Variants in FGF14 observed in about 807,000 individuals in gnomAD.
The protein encoded by FGF14 is fibroblast growth factor 14.
In FGF14, 5 loss-of-function variants were observed where a neutral mutation model predicts 25.5. The observed-to-expected ratio is 0.20, with a 90% confidence interval of 0.10 to 0.41. The LOEUF (loss-of-function observed/expected upper bound fraction) is 0.41, where lower values mean the gene tolerates loss of function less well. Among genes scored for constraint, FGF14 ranks in the 10% least tolerant of loss-of-function variants. The pLI, the probability that FGF14 is intolerant of heterozygous loss-of-function variation, is 1.00. For synonymous variants in FGF14, 138 were observed against 118.3 expected, an observed-to-expected ratio of 1.17 and a Z score of -1.08; for missense variants, 222 against 320.1, an observed-to-expected ratio of 0.69 and a Z score of 2.34.
intron 1 of FGF14, among the ~76,000 whole-genome samples, chr13:102,003,541 C>A (rs1177524136): frequency 3.3e-5 from 5 of 152,066 alleles, no homozygotes; most frequent in African/African-American, 1.2e-4. Context: ...CCATAGGCCA[C>A]AAGATAAGCT....
At chr13:102,167,312 C>CAAAAAA (rs10689114) in intron 1 of FGF14, among the ~76,000 whole-genome samples, 2 of 72,732 alleles carry the variant, frequency 2.7e-5, no homozygotes, top group African/African-American at 1.1e-4. Context: ...CACTCCATCT[C>CAAAAAA]AAAAAAAAAA....
At chr13:101,828,958 T>C (rs995747094) in intron 3 of FGF14, among the ~76,000 whole-genome samples, 3 of 152,042 alleles carry the variant, frequency 2.0e-5, no homozygotes, top group Non-Finnish European at 4.4e-5. Flanking sequence ...AGACTGCTGA[T>C]AGCAAACAAA....
intron 1 of FGF14, among the ~76,000 whole-genome samples, chr13:101,930,123 T>A (rs994518539): frequency 3.3e-5 from 5 of 152,150 alleles, no homozygotes; most frequent in African/African-American, 4.8e-5. Context: ...AACATCAAAT[T>A]TTTTCCCTTC....
At chr13:101,951,365 A>C (rs1039483695) in intron 1 of FGF14, among the ~76,000 whole-genome samples, 1 of 152,150 alleles carries the variant, frequency 6.6e-6, no homozygotes, top group African/African-American at 2.4e-5. Flanking sequence ...AGAGCATGGC[A>C]GTGGAAAGAG....
intron 1 of FGF14, among the ~76,000 whole-genome samples, chr13:102,399,454 A>G (rs917472065): frequency 1.8e-4 from 27 of 152,236 alleles, no homozygotes; most frequent in Admixed American, 1.7e-3. Context: ...TAAAGCAGTC[A>G]CCCCTGCCCT....
chr13:102,023,712 G>A (rs2040788101), intron 1 of FGF14, among the ~76,000 whole-genome samples: 1 of 151,964 alleles, frequency 6.6e-6, no homozygotes, highest in African/African-American at 2.4e-5. Context: ...CCTTTTGTCT[G>A]TCTTCTTTCA....
intron 1 of FGF14, among the ~76,000 whole-genome samples, chr13:102,251,411 G>A (rs146456765): frequency 6.6e-6 from 1 of 152,140 alleles, no homozygotes; most frequent in Non-Finnish European, 1.5e-5. Context: ...GGTTCCCCAA[G>A]AACCTTTTCT....
At chr13:101,932,758 A>T (rs963320657) in intron 1 of FGF14, among the ~76,000 whole-genome samples, 40 of 134,522 alleles carry the variant, frequency 3.0e-4, no homozygotes, top group African/African-American at 1.3e-3. Context: ...AATTACAGTA[A>T]AAAAAAAAAA....
Position 101,884,865 on chromosome 13 carries a change from ACATAC to A in FGF14, c.194-9574_194-9570del. Among the ~76,000 whole-genome samples, 3 of 65,084 alleles carry A rather than the reference ACATAC, an allele frequency of 4.6e-5. No individual in the cohort carries two copies. The East Asian group carries it at 1.2e-3, about 26-fold the overall frequency. The allele number at this position is 65,084 out of a possible 152,430, so 42.7% of individuals were successfully genotyped here. On this transcript the variant is annotated intron_variant, in intron 1 of 4. Coordinates refer to ENST00000376143, the MANE Select transcript of FGF14 (RefSeq NM_004115.4). Reference sequence around the variant, plus strand: ...TGACCAAACACACACACAGACACATACATACACACACACACACACACACACACAGA... The same window carrying A: ...TGACCAAACACACACACAGACACATAACACACACACACACACACACACAGA...
intron 3 of FGF14, among the ~76,000 whole-genome samples, chr13:101,762,305 C>A (rs1231083481): frequency 1.3e-5 from 2 of 152,176 alleles, no homozygotes; most frequent in African/African-American, 4.8e-5. Flanking sequence ...TATATGCCTT[C>A]AGCTGGATAA....
intron 1 of FGF14, among the ~76,000 whole-genome samples, chr13:101,977,321 T>G (rs990810945): frequency 1.3e-5 from 2 of 152,202 alleles, no homozygotes; most frequent in Non-Finnish European, 2.9e-5. Flanking sequence ...CATAGCCATT[T>G]CTGAGTTGCA....
chr13:101,848,157 A>G (rs897364209), intron 3 of FGF14, among the ~76,000 whole-genome samples: 1 of 152,022 alleles, frequency 6.6e-6, no homozygotes, highest in Non-Finnish European at 1.5e-5. Flanking sequence ...TTTAAAAATC[A>G]AGGAAATGAA....
At chr13:102,346,632 T>C (rs1388823835) in intron 1 of FGF14, among the ~76,000 whole-genome samples, 2 of 151,756 alleles carry the variant, frequency 1.3e-5, no homozygotes, top group Non-Finnish European at 1.5e-5. Flanking sequence ...ATACACACAT[T>C]ACACATAACA....
intron 1 of FGF14, among the ~76,000 whole-genome samples, chr13:102,220,491 T>C (rs536140884): frequency 6.6e-6 from 1 of 152,176 alleles, no homozygotes; most frequent in Admixed American, 6.5e-5. Context: ...TTTCAAGACA[T>C]TAGATATATT....
chr13:102,309,135 T>TACGCACACACACAC (rs1555398962), intron 1 of FGF14, among the ~76,000 whole-genome samples: 3 of 142,566 alleles, frequency 2.1e-5, no homozygotes, highest in African/African-American at 8.0e-5. Flanking sequence ...ATGCATAACA[T>TACGCACACACACAC]ACACACACAC....
chr13:101,798,953 G>GTATTCTGCT (rs1429559069), intron 3 of FGF14, among the ~76,000 whole-genome samples: 5 of 152,098 alleles, frequency 3.3e-5, no homozygotes, highest in African/African-American at 1.2e-4. Context: ...AAACTATACA[G>GTATTCTGCT]TATTCTGCTA....
At chr13:102,324,775 T>G (rs778866872) in intron 1 of FGF14, among the ~76,000 whole-genome samples, 1 of 152,228 alleles carries the variant, frequency 6.6e-6, no homozygotes, top group Non-Finnish European at 1.5e-5. Context: ...TGTTTTTCTC[T>G]ATTAAAGACA....
chr13:102,263,951 T>C (rs2052850277), intron 1 of FGF14, among the ~76,000 whole-genome samples: 1 of 151,682 alleles, frequency 6.6e-6, no homozygotes, highest in African/African-American at 2.4e-5. Flanking sequence ...AATCACCAAG[T>C]GAGGGGTGAA....
Position 101,715,659 on chromosome 13 carries a change from T to C in FGF14, c.*7172A>G. 6.3e-7 allele frequency: 1 copy of C among 1,581,186 alleles called. No individual in the cohort carries two copies. The highest frequency in any genetic ancestry group is 8.7e-7 in the Non-Finnish European group (1 of 1,150,206). The stretch of plus-strand genomic sequence containing the variant: ...CTTGGCTCAGAATATCCTTAACAAT[T>C]ACATGAGAGAGGTCTGGATTCTTAT... On this transcript the variant is annotated 3_prime_UTR_variant, in exon 5 of 5. Transcript: ENST00000376143.
Sources: allele counts gnomAD v4.1 joint callset (sites outside exome capture counted in the v4.1 genomes callset), GRCh38; gene constraint gnomAD v4.1.1; transcripts MANE v1.5; gene names NCBI Gene and HGNC (gene_info 2026-07-23, HGNC 2026-07-21).